The following BMP6 variants were observed in gnomAD, a reference collection of about 807,000 sequenced individuals.
BMP6 encodes the protein VG-1-R.
Under a neutral mutation model 54.1 loss-of-function variants are expected in BMP6, and 17 were observed. That is an observed-to-expected ratio of 0.31 (90% CI 0.22 to 0.47). The LOEUF is 0.47. BMP6 is among the 20% of genes least tolerant of loss of function. BMP6 has a pLI of 1.00. For missense variants in BMP6, 720 were observed against 690.4 expected (o/e 1.04, Z -0.48); for synonymous variants, 328 against 291.2 (o/e 1.13, Z -1.28).
chr6:7,751,935 C>G (rs1757431459), intron 1 of BMP6, among the ~76,000 whole-genome samples: 1 of 152,204 alleles, frequency 6.6e-6, no homozygotes, highest in Non-Finnish European at 1.5e-5. Flanking sequence ...TCCTTCAGCA[C>G]AATTCTAAGC....
In BMP6 at chr6:7,862,324, G is replaced by T. The variant is rs201529580; in HGVS notation, c.1030G>T (p.Ala344Ser). 1 of 1,614,162 alleles carries T rather than the reference G, an allele frequency of 6.2e-7. No homozygotes were observed. The highest frequency in any genetic ancestry group is 8.5e-7 in the Non-Finnish European group (1 of 1,180,016). The change falls in exon 4 of 7, where the codon GCA (alanine) becomes TCA (serine). Residue 344 changes from alanine (A) to serine (S), a missense_variant. Ala to Ser is a moderately conservative substitution (Grantham distance 99). Around this residue, in one of 3 missense-constraint regions of BMP6, gnomAD observed 650 missense variants for 556.3 expected, o/e 1.17. Coordinates refer to ENST00000283147, the MANE Select transcript of BMP6 (RefSeq NM_001718.6). The stretch of plus-strand genomic sequence containing the variant: ...AGGAGTCCACGTCCACCCCCGAGCC[G>T]CAGGCCTGGTGGGCAGAGACGGCCC... Reference protein sequence around the residue: ...RDGVHVHPRAAGLVGRDGPYD... With the variant: ...RDGVHVHPRASGLVGRDGPYD...
At chr6:7,818,746 G>A (rs1758565282) in intron 1 of BMP6, among the ~76,000 whole-genome samples, 1 of 152,212 alleles carries the variant, frequency 6.6e-6, no homozygotes, top group South Asian at 2.1e-4. Flanking sequence ...CAGGGGATGT[G>A]TAGCCACCTA....
In BMP6 at chr6:7,727,311, T is replaced by A. The variant is rs752305807; in HGVS notation, c.356T>A (p.Leu119Gln). ...QQEEQQQQQQ[L>Q]PRGEPPPGRL... ...GAGGAGCAGCAGCAGCAGCAGCAGC[T>A]GCCTCGCGGAGAGCCCCCTCCCGGG... Residue 119 changes from leucine to glutamine, a missense_variant, in exon 1 of 7, where the codon CTG becomes CAG. By Grantham distance (113) the Leu-to-Gln change is moderately radical. Coordinates refer to ENST00000283147, the MANE Select transcript of BMP6 (RefSeq NM_001718.6). The A allele has an allele frequency of 6.2e-7, 1 of 1,604,150 alleles. No homozygotes were observed. Among genetic ancestry groups the A allele is most frequent in the East Asian group, 2.3e-5 (1 of 43,838 alleles).
rs542140165 is a variant in BMP6, at chr6:7,788,795, C to G, written c.665-56345C>G. On this transcript the variant is annotated intron_variant, in intron 1 of 6. Transcript: ENST00000283147. ...CTTCTGAACTAAAATTCCTAAGATA[C>G]GTAGATAGAAAAGGCAGTGAGTTTG... Among the ~76,000 whole-genome samples the G allele has an allele frequency of 3.3e-5, 5 of 151,610 alleles. No individual in the cohort carries two copies. The South Asian group carries it at 1.0e-3, about 32-fold the overall frequency.
chr6:7,797,819 A>G (rs910155655), intron 1 of BMP6, among the ~76,000 whole-genome samples: 4 of 152,214 alleles, frequency 2.6e-5, no homozygotes, highest in African/African-American at 7.2e-5. Flanking sequence ...AAGCAAATTT[A>G]TTCTAGATTC....
intron 1 of BMP6, among the ~76,000 whole-genome samples, chr6:7,772,968 G>T (rs1227673757): frequency 6.6e-6 from 1 of 152,112 alleles, no homozygotes; most frequent in Non-Finnish European, 1.5e-5. Context: ...AGTTCATTAG[G>T]CGTTGATTTT....
chr6:7,737,499 A>G (rs1267613901), intron 1 of BMP6, among the ~76,000 whole-genome samples: 1 of 148,328 alleles, frequency 6.7e-6, no homozygotes, highest in East Asian at 2.0e-4. Flanking sequence ...TTCTAACACC[A>G]ACTCTTGATT....
chr6:7,742,915 C>A (rs568335530), intron 1 of BMP6, among the ~76,000 whole-genome samples: 20 of 152,284 alleles, frequency 1.3e-4, no homozygotes, highest in South Asian at 2.1e-4. Flanking sequence ...TCTTTCCCCC[C>A]CTTCTTATCC....
At chr6:7,866,685 T>C (rs975191496) in intron 4 of BMP6, among the ~76,000 whole-genome samples, 1 of 152,220 alleles carries the variant, frequency 6.6e-6, no homozygotes, top group Non-Finnish European at 1.5e-5. Flanking sequence ...TTTTGATAGA[T>C]GAGTTTGGAA....
chr6:7,760,972 T>G (rs919853188), intron 1 of BMP6, among the ~76,000 whole-genome samples: 6 of 152,260 alleles, frequency 3.9e-5, no homozygotes, highest in Non-Finnish European at 7.3e-5. Context: ...GACATTGTTC[T>G]TTCTCCCTGG....
At chr6:7,858,484 CCTTA>C (rs1433112862) in intron 2 of BMP6, among the ~76,000 whole-genome samples, 1 of 151,854 alleles carries the variant, frequency 6.6e-6, no homozygotes, top group Non-Finnish European at 1.5e-5. Flanking sequence ...GACTTTGGTC[CCTTA>C]CTTTATTCTG....
intron 1 of BMP6, among the ~76,000 whole-genome samples, chr6:7,801,956 C>T (rs1444226844): frequency 6.6e-6 from 1 of 152,150 alleles, no homozygotes; most frequent in Non-Finnish European, 1.5e-5. Flanking sequence ...AGGCACTGCC[C>T]AGAAATTCAT....
At chr6:7,735,265 T>C (rs997227641) in intron 1 of BMP6, among the ~76,000 whole-genome samples, 3 of 152,242 alleles carry the variant, frequency 2.0e-5, no homozygotes, top group Non-Finnish European at 4.4e-5. Flanking sequence ...GTTGGTTTCC[T>C]GTACGTGAAC....
rs1437655594 is a variant in BMP6 at position 7,783,665 on chromosome 6, C to G, written c.664+56046C>G. Among the ~76,000 whole-genome samples, 4 of 152,176 alleles carry G rather than the reference C, an allele frequency of 2.6e-5. No homozygotes were observed. The East Asian group carries it at 7.7e-4, about 29-fold the overall frequency. On this transcript the variant is annotated intron_variant, in intron 1 of 6. Transcript: ENST00000283147. The stretch of plus-strand genomic sequence containing the variant: ...TTAAGATTGACTTTCATGTCTTCCC[C>G]CTCCTTTCTCTTGTTCACAGCCCGA...
chr6:7,822,355 C>T (rs984032076), intron 1 of BMP6, among the ~76,000 whole-genome samples: 2 of 152,182 alleles, frequency 1.3e-5, no homozygotes, highest in South Asian at 2.1e-4. Flanking sequence ...TGAAATGGGA[C>T]GTGGTCTGCA....
chr6:7,786,455 A>C (rs1581247275), intron 1 of BMP6, among the ~76,000 whole-genome samples: 1 of 107,010 alleles, frequency 9.3e-6, no homozygotes, highest in Non-Finnish European at 1.8e-5. Flanking sequence ...TCCCTTCTTT[A>C]GTCTGTTTTT....
At chr6:7,869,712 C>T (rs1759489102) in intron 4 of BMP6, among the ~76,000 whole-genome samples, 1 of 152,098 alleles carries the variant, frequency 6.6e-6, no homozygotes, top group South Asian at 2.1e-4. Context: ...CAGGGGAGAC[C>T]AGGACTTAAG....
intron 1 of BMP6, among the ~76,000 whole-genome samples, chr6:7,729,595 A>C (rs1761815236): frequency 6.6e-6 from 1 of 152,100 alleles, no homozygotes; most frequent in African/African-American, 2.4e-5. Flanking sequence ...GAATCTTTTG[A>C]GGGTGGGGCA....
At chr6:7,833,442 AG>A (rs1324249947) in intron 1 of BMP6, among the ~76,000 whole-genome samples, 2 of 152,100 alleles carry the variant, frequency 1.3e-5, no homozygotes, top group African/African-American at 4.8e-5. Flanking sequence ...TTAATTGTAG[AG>A]GGGGGAAAGA....
Sources: gnomAD v4.1 joint callset for allele counts (sites outside exome capture counted in the v4.1 genomes callset) on GRCh38, gnomAD v4.1.1 for gene constraint, gnomAD v4.1.1 regional missense constraint, MANE v1.5 for transcripts, NCBI Gene and HGNC (gene_info 2026-07-23, HGNC 2026-07-21) for gene names.